ANKRD13C: variants seen among roughly 807,000 people sequenced by gnomAD.
The protein encoded by ANKRD13C is ankyrin repeat domain-containing protein 13C.
Under a neutral mutation model 65.5 loss-of-function variants are expected in ANKRD13C, and 16 were observed. The observed-to-expected ratio is 0.24, with a 90% CI of 0.17 to 0.37. ANKRD13C has a LOEUF of 0.37. Among genes scored for constraint, ANKRD13C ranks in the 10% least tolerant of loss-of-function variants. ANKRD13C has a pLI of 1.00. For synonymous variants in ANKRD13C, 235 were observed against 238.7 expected (o/e 0.98, Z 0.14); for missense variants, 503 against 655.9 (o/e 0.77, Z 2.55).
rs193114796 is a variant in ANKRD13C, at chr1:70,301,883, A to T, written c.777-975T>A. On this transcript the variant is annotated intron_variant, in intron 6 of 12. Transcript: ENST00000370944. ...TCACCCCAGCTAATGGCTGCTCAAAACACACAGTCCTAAAGCCAAGAAACT... is the reference window on the plus strand; with the variant it reads ...TCACCCCAGCTAATGGCTGCTCAAATCACACAGTCCTAAAGCCAAGAAACT... Among the ~76,000 whole-genome samples the T allele has an allele frequency of 3.8e-3, 580 of 152,304 alleles. 3 individuals carry two copies. The highest frequency in any genetic ancestry group is 0.013 in the African/African-American group (531 of 41,568).
intron 7 of ANKRD13C, among the ~76,000 whole-genome samples, chr1:70,300,259 C>T (rs1291956350): frequency 6.6e-6 from 1 of 152,032 alleles, no homozygotes; most frequent in African/African-American, 2.4e-5. Flanking sequence ...GCTCAATGGA[C>T]CGGTCAAGAT....
chr1:70,354,190 G>A lies in ANKRD13C; in HGVS notation c.219C>T (p.Pro73=), dbSNP rs758470652. ...LKAAPASSNP[P]GAPALPLHNS... The stretch of plus-strand genomic sequence containing the variant: ...TGTGCAGCGGCAGAGCCGGGGCGCC[G>A]GGGGGATTGGAGGAGGCCGGAGCTG... The change falls in exon 1 of 13, where the codon CCC becomes CCT. Residue 73 remains proline (P), a synonymous_variant. Transcript: ENST00000370944. 141 of 1,613,430 alleles carry A rather than the reference G, an allele frequency of 8.7e-5. No individual in the cohort carries two copies. The highest frequency in any genetic ancestry group is 2.3e-4 in the Admixed American group (14 of 59,998).
At chr1:70,340,184 G>A (rs1017370399) in intron 1 of ANKRD13C, among the ~76,000 whole-genome samples, 1 of 152,008 alleles carries the variant, frequency 6.6e-6, no homozygotes, top group Non-Finnish European at 1.5e-5. Context: ...AGAACAAAGT[G>A]TTGGCTTTGT....
chr1:70,336,280 G>A (rs1271341145), intron 1 of ANKRD13C, among the ~76,000 whole-genome samples, 181 bp from the exon 2 acceptor site: 1 of 152,040 alleles, frequency 6.6e-6, no homozygotes, highest in Non-Finnish European at 1.5e-5. Flanking sequence ...TGATTTCTGA[G>A]TACAATGTAC....
chr1:70,350,617 A>G (rs565474622), intron 1 of ANKRD13C, among the ~76,000 whole-genome samples: 8 of 152,348 alleles, frequency 5.3e-5, no homozygotes, highest in Middle Eastern at 3.4e-3. Flanking sequence ...TGTACGGAAC[A>G]AATGAGAAAA....
At chr1:70,290,957 T>C (rs1679839379) in intron 9 of ANKRD13C, among the ~76,000 whole-genome samples, 1 of 152,110 alleles carries the variant, frequency 6.6e-6, no homozygotes. Flanking sequence ...TAATTTCTTA[T>C]AATCTACTAA....
chr1:70,352,772 T>A (rs1023771180), intron 1 of ANKRD13C, among the ~76,000 whole-genome samples: 1 of 152,230 alleles, frequency 6.6e-6, no homozygotes, highest in African/African-American at 2.4e-5. Flanking sequence ...AATTTAAATG[T>A]AGGAAAGAAA....
rs541481085 is a variant in ANKRD13C at position 70,286,972 on chromosome 1, G to A, written c.1215+5416C>T. ...TGCACTCCAGCCTGGGGGATAGAAC[G>A]AGACTCTGTCTCCAAGAAAACAAAA... On this transcript the variant is annotated intron_variant, in intron 9 of 12. Coordinates refer to ENST00000370944, the MANE Select transcript of ANKRD13C (RefSeq NM_030816.5). Among the ~76,000 whole-genome samples, 4 of 152,060 alleles carry A rather than the reference G, an allele frequency of 2.6e-5. No homozygotes were observed. In the South Asian group the frequency reaches 8.3e-4, roughly 32 times the overall value.
intron 12 of ANKRD13C, among the ~76,000 whole-genome samples, chr1:70,265,313 A>G (rs1678567799): frequency 6.6e-6 from 1 of 152,210 alleles, no homozygotes; most frequent in South Asian, 2.1e-4. Flanking sequence ...AGTCAGAGGA[A>G]AATGCAATGA....
At chr1:70,286,478 A>C (rs941432051) in intron 9 of ANKRD13C, among the ~76,000 whole-genome samples, 2 of 152,130 alleles carry the variant, frequency 1.3e-5, no homozygotes, top group Non-Finnish European at 2.9e-5. Context: ...TTAAAAAATT[A>C]ATGTTAGTAT....
intron 8 of ANKRD13C, 91 bp downstream of exon 8, chr1:70,296,039 G>A (rs61782668): frequency 6.9e-7 from 1 of 1,458,730 alleles, no homozygotes; most frequent in South Asian, 1.4e-5. Flanking sequence ...AGACAATTCT[G>A]TAAGCTACTT....
At chr1:70,337,718 A>T (rs577388937) in intron 1 of ANKRD13C, among the ~76,000 whole-genome samples, 2 of 152,376 alleles carry the variant, frequency 1.3e-5, no homozygotes, top group East Asian at 1.9e-4. Context: ...TTGGAGATAT[A>T]AGTGACATTA....
chr1:70,340,999 A>G (rs1682282630), intron 1 of ANKRD13C, among the ~76,000 whole-genome samples: 1 of 152,054 alleles, frequency 6.6e-6, no homozygotes, highest in Non-Finnish European at 1.5e-5. Context: ...TAGGCCCGCT[A>G]CTCAGGAGGC....
chr1:70,339,814 T>TATC (rs1405331422), intron 1 of ANKRD13C, among the ~76,000 whole-genome samples: 1 of 1,484 alleles, frequency 6.7e-4, no homozygotes, highest in African/African-American at 2.6e-3. Flanking sequence ...TCAGTACGTT[T>TATC]ATTATTATTA....
Position 70,300,827 on chromosome 1 carries a change from C to A in ANKRD13C, c.858G>T (p.Ala286=). The change falls in exon 7 of 13, where the codon GCG becomes GCT. Residue 286 remains alanine (A), a synonymous_variant. Transcript: ENST00000370944. ...CTAATACTACAAAAGATTCAGAGGG[C>A]GCCGCATCCCCATTGAAAATGAAGC... The part of the protein sequence containing the change: ...DLSFIFNGDA[A]PSESFVVLDN... 1.2e-6 allele frequency: 2 copies of A among 1,613,128 alleles called. No homozygotes were observed. The highest frequency in any genetic ancestry group is 1.1e-5 in the South Asian group (1 of 90,950).
rs536554964 is a variant in ANKRD13C at position 70,259,429 on chromosome 1, A to G, written c.*3288T>C. ...TCTATGTACCATAGGTACCATTATG[A>G]CTGAAAGTATTACTCTTCTAAAATG... is the stretch of plus-strand genomic sequence containing the variant. On this transcript the variant is annotated 3_prime_UTR_variant, in exon 13 of 13. Transcript: ENST00000370944. 6.6e-6 allele frequency among the ~76,000 whole-genome samples: 1 copy of G among 152,326 alleles called. No individual in the cohort carries two copies. Among genetic ancestry groups the G allele is most frequent in the South Asian group, 2.1e-4 (1 of 4,832 alleles).
At chr1:70,289,260 G>A (rs958043291) in intron 9 of ANKRD13C, among the ~76,000 whole-genome samples, 1 of 151,964 alleles carries the variant, frequency 6.6e-6, no homozygotes, top group Non-Finnish European at 1.5e-5. Context: ...TGCAAAGTAC[G>A]GCTGCTTAAA....
At chr1:70,291,527 A>G (rs867992587) in intron 9 of ANKRD13C, among the ~76,000 whole-genome samples, 1 of 152,208 alleles carries the variant, frequency 6.6e-6, no homozygotes, top group Non-Finnish European at 1.5e-5. Context: ...ACTGTCACAC[A>G]ATTCTTTGCA....
chr1:70,294,733 G>A (rs572820911), intron 8 of ANKRD13C, among the ~76,000 whole-genome samples: 7 of 151,338 alleles, frequency 4.6e-5, no homozygotes, highest in South Asian at 2.1e-4. Flanking sequence ...TCAAGTAATC[G>A]TCTCACCTCA....
Sources: allele counts gnomAD v4.1 joint callset (sites outside exome capture counted in the v4.1 genomes callset), GRCh38; gene constraint gnomAD v4.1.1; transcripts MANE v1.5; gene names NCBI Gene and HGNC (gene_info 2026-07-23, HGNC 2026-07-21).